DNAAF1: variants seen among roughly 807,000 people sequenced by gnomAD.
The protein encoded by DNAAF1 is dynein assembly factor 1, axonemal.
Under a neutral mutation model 71.1 loss-of-function variants are expected in DNAAF1, and 65 were observed. That is an observed-to-expected ratio of 0.91 (90% confidence interval 0.75 to 1.12). The LOEUF is 1.12. Among genes scored for constraint, DNAAF1 ranks in the 50% most tolerant of loss-of-function variants. The probability of loss-of-function intolerance (pLI) is 0.00; values close to 1 mark genes in which losing one functional copy is unlikely to be tolerated. For missense variants in DNAAF1, 1,178 were observed against 899.8 expected, an observed-to-expected ratio of 1.31 and a Z score of -3.96; for synonymous variants, 414 against 354.6, an observed-to-expected ratio of 1.17 and a Z score of -1.88.
chr16:84,177,694 C>A (rs1156339417), intron 11 of DNAAF1, 35 bp from the exon 12 acceptor site: 4 of 1,573,506 alleles, frequency 2.5e-6, no homozygotes, highest in African/African-American at 2.7e-5. Context: ...GTCACAGTGA[C>A]AGGGAGAAAG....
rs2088241636 is a variant in DNAAF1, at chr16:84,170,043, A to G, written c.1215A>G (p.Arg405=). 1 of 1,613,872 alleles carries G rather than the reference A, an allele frequency of 6.2e-7. No homozygotes were observed. Among genetic ancestry groups the G allele is most frequent in the Admixed American group, 1.7e-5 (1 of 60,024 alleles). ...AGGAGCCGCCTGTGGAGGCTAAAAGAGAGGATGGAGGTCCAGAGCCAGAGG... is the reference window on the plus strand; with the variant it reads ...AGGAGCCGCCTGTGGAGGCTAAAAGGGAGGATGGAGGTCCAGAGCCAGAGG... The part of the protein sequence containing the change: ...SGEEPPVEAK[R]EDGGPEPEGT... The change falls in exon 8 of 12, where the codon AGA becomes AGG. Residue 405 remains arginine (R), a synonymous_variant. Transcript: ENST00000378553.
rs768333886 is a variant in DNAAF1, at chr16:84,170,278, G to C, written c.1450G>C (p.Glu484Gln). The C allele has an allele frequency of 1.2e-6, 2 of 1,610,042 alleles. No individual in the cohort carries two copies. Among genetic ancestry groups the C allele is most frequent in the African/African-American group, 1.3e-5 (1 of 74,808 alleles). ...LLSPPVKVKG[E>Q]DGDREPEGTL... ...GTCACCGCCTGTGAAGGTTAAAGGA[G>C]AGGATGGAGATCGAGAGCCAGAGGG... Residue 484 changes from glutamate to glutamine, a missense_variant, in exon 8 of 12, where the codon GAG (glutamate) becomes CAG (glutamine). Physicochemically the swap from Glu to Gln is conservative, Grantham distance 29 (BLOSUM62 2). Transcript: ENST00000378553.
intron 5 of DNAAF1, among the ~76,000 whole-genome samples, chr16:84,157,624 G>A (rs1368730824): frequency 2.0e-5 from 3 of 151,860 alleles, no homozygotes; most frequent in African/African-American, 4.8e-5. Flanking sequence ...TTGCTTCTTA[G>A]TGTCTATGTG....
Position 84,145,583 on chromosome 16 carries a change from G to T in DNAAF1, c.124+19G>T, listed in dbSNP as rs1332519704. Reference sequence around the variant, plus strand: ...AAGGAAGGTGCCGACTGCCCCCCAGGGAGGGCGGTGGGCGAGGGGCAGACA... The same window carrying T: ...AAGGAAGGTGCCGACTGCCCCCCAGTGAGGGCGGTGGGCGAGGGGCAGACA... On this transcript the variant is annotated intron_variant, in intron 1 of 11. Coordinates refer to ENST00000378553, the MANE Select transcript of DNAAF1 (RefSeq NM_178452.6). The T allele has an allele frequency of 5.2e-6, 8 of 1,543,146 alleles. No individual in the cohort carries two copies. Among genetic ancestry groups the T allele is most frequent in the Middle Eastern group, 2.3e-4 (1 of 4,418 alleles).
chr16:84,151,158 C>G (rs1329888465), intron 3 of DNAAF1, among the ~76,000 whole-genome samples: 1 of 152,090 alleles, frequency 6.6e-6, no homozygotes, highest in Admixed American at 6.6e-5. Flanking sequence ...GATGGGGTGA[C>G]CAGCTTGCTC....
At position 84,172,487 on chromosome 16, in the gene DNAAF1, G is replaced by A. The variant is rs553933229; in HGVS notation, c.1644+112G>A. ...ATACCCCAAGTGTGGTCCTTGGGCC[G>A]GCAGGCCTGGCATTTCTGGGGCGCT... On this transcript the variant is annotated intron_variant, in intron 9 of 11. Transcript: ENST00000378553. 827 of 1,523,082 alleles carry A rather than the reference G, an allele frequency of 5.4e-4. 2 individuals carry two copies. The highest frequency in any genetic ancestry group is 5.2e-3 in the Admixed American group (261 of 50,210). 94.3% of individuals were successfully genotyped at this position (1,523,082 alleles called of 1,614,324 possible).
intron 3 of DNAAF1, among the ~76,000 whole-genome samples, chr16:84,151,623 G>A (rs938906618): frequency 6.6e-6 from 1 of 152,232 alleles, no homozygotes; most frequent in African/African-American, 2.4e-5. Flanking sequence ...TAACTGCCCT[G>A]AAACTTAGCA....
At chr16:84,159,898 T>C (rs2087621135) in intron 6 of DNAAF1, 102 bp downstream of exon 6, 3 of 1,397,650 alleles carry the variant, frequency 2.1e-6, no homozygotes, top group Non-Finnish European at 3.0e-6. Flanking sequence ...ATTTCACATA[T>C]CAAAAATGTT....
Position 84,151,768 on chromosome 16 carries a change from C to A in DNAAF1, c.352+1426C>A, listed in dbSNP as rs548371309. ...CAGTCTCACTCATTCGATGGCTTGA[C>A]GAGGGCTAGAGAATCCACTTCCAGG... On this transcript the variant is annotated intron_variant, in intron 3 of 11. Transcript: ENST00000378553. 2.5e-4 allele frequency among the ~76,000 whole-genome samples: 38 copies of A among 152,300 alleles called. 1 individual carries two copies. Among genetic ancestry groups the A allele is most frequent in the African/African-American group, 7.9e-4 (33 of 41,548 alleles).
In DNAAF1 at chr16:84,177,900, A is replaced by G; in HGVS notation, c.*59A>G. The stretch of plus-strand genomic sequence containing the variant: ...ATCATAAATGTCTCCCTTAGGCATG[A>G]TAAACATTTTAACACCCACGCGAGT... On this transcript the variant is annotated 3_prime_UTR_variant, in exon 12 of 12. Transcript: ENST00000378553. The G allele has an allele frequency of 6.9e-7, 1 of 1,443,968 alleles. No homozygotes were observed. Among genetic ancestry groups the G allele is most frequent in the South Asian group, 1.1e-5 (1 of 87,602 alleles). 89.4% of individuals were successfully genotyped at this position (1,443,968 alleles called of 1,614,324 possible).
intron 8 of DNAAF1, 135 bp downstream of exon 8, chr16:84,170,491 T>A: frequency 7.2e-7 from 1 of 1,384,506 alleles, no homozygotes. Flanking sequence ...TAATGGACAC[T>A]AGTTATCTTG....
At position 84,177,794 on chromosome 16, in the gene DNAAF1, C is replaced by G. The variant is rs779992454; in HGVS notation, c.2131C>G (p.Leu711Val). The G allele has an allele frequency of 1.2e-5, 20 of 1,614,136 alleles. No individual in the cohort carries two copies. In the East Asian group the frequency reaches 4.5e-4, roughly 36 times the overall value. ...CVGVAQPSQA[L>V]PTWDLTAFPA... The stretch of plus-strand genomic sequence containing the variant: ...CGGAGTTGCCCAGCCCAGCCAAGCT[C>G]TGCCCACGTGGGACCTCACTGCATT... Residue 711 changes from leucine to valine, a missense_variant, in exon 12 of 12, where the codon CTG becomes GTG. Leu to Val is a conservative substitution (Grantham distance 32, BLOSUM62 1). Coordinates refer to ENST00000378553, the MANE Select transcript of DNAAF1 (RefSeq NM_178452.6).
At chr16:84,174,557 G>A (rs990052423) in intron 9 of DNAAF1, 112 bp from the exon 10 acceptor site, 3 of 1,597,402 alleles carry the variant, frequency 1.9e-6, no homozygotes, top group Non-Finnish European at 2.6e-6. Context: ...TGAGTGATTT[G>A]AGTAACTGTA....
At chr16:84,174,188 G>T in intron 9 of DNAAF1, 2 of 1,008,428 alleles carry the variant, frequency 2.0e-6, no homozygotes, top group Non-Finnish European at 1.2e-6. Context: ...CACACACTAT[G>T]CTGCCTCCCC....
At position 84,165,895 on chromosome 16, in the gene DNAAF1, A is replaced by G. The variant is rs765662912; in HGVS notation, c.976A>G (p.Met326Val). 1.9e-6 allele frequency: 3 copies of G among 1,613,714 alleles called. No homozygotes were observed. Among genetic ancestry groups the G allele is most frequent in the Admixed American group, 1.7e-5 (1 of 59,954 alleles). The change falls in exon 7 of 12, where the codon ATG (methionine) becomes GTG (valine). Residue 326 changes from methionine to valine, a missense_variant. Physicochemically the swap from Met to Val is conservative, Grantham distance 21. Transcript: ENST00000378553. The stretch of plus-strand genomic sequence containing the variant: ...CACAGACAGCATTGAAGCCTTGGCC[A>G]TGATCAAGCAGCGGGCAGAGGAGAG... ...KITDSIEALA[M>V]IKQRAEERKR...
intron 5 of DNAAF1, among the ~76,000 whole-genome samples, chr16:84,156,851 C>CTTTTTTTTTTTTTTTTTTTTT (rs778916785): frequency 1.8e-5 from 2 of 111,808 alleles, no homozygotes; most frequent in African/African-American, 7.2e-5. Flanking sequence ...TTCTTTCTTT[C>CTTTTTTTTTTTTTTTTTTTTT]TTTTTTTTTT....
At chr16:84,175,869 T>C in intron 10 of DNAAF1, 64 bp from the exon 11 acceptor site, 1 of 1,579,850 alleles carries the variant, frequency 6.3e-7, no homozygotes, top group Non-Finnish European at 8.7e-7. Context: ...ACTGGCATGG[T>C]GCATTGTAGA....
In DNAAF1 at chr16:84,170,290, C is replaced by G. The variant is rs375641621; in HGVS notation, c.1462C>G (p.Arg488Gly). The change falls in exon 8 of 12, where the codon CGA becomes GGA. Residue 488 changes from arginine to glycine, a missense_variant. Arg to Gly is a moderately radical substitution (Grantham distance 125, BLOSUM62 -2). Transcript: ENST00000378553. ...GAAGGTTAAAGGAGAGGATGGAGAT[C>G]GAGAGCCAGAGGGGACCCTCCCAGC... ...PVKVKGEDGD[R>G]EPEGTLPAEA... The G allele has an allele frequency of 8.6e-5, 138 of 1,603,882 alleles. No homozygotes were observed. Among genetic ancestry groups the G allele is most frequent in the Non-Finnish European group, 1.1e-4 (130 of 1,176,012 alleles).
intron 5 of DNAAF1, among the ~76,000 whole-genome samples, chr16:84,157,621 T>C (rs1014059507): frequency 6.6e-6 from 1 of 152,156 alleles, no homozygotes; most frequent in African/African-American, 2.4e-5. Flanking sequence ...TCCTTGCTTC[T>C]TAGTGTCTAT....
Sources: gnomAD v4.1 joint callset for allele counts (sites outside exome capture counted in the v4.1 genomes callset) on GRCh38, gnomAD v4.1.1 for gene constraint, MANE v1.5 for transcripts, NCBI Gene and HGNC (gene_info 2026-07-23, HGNC 2026-07-21) for gene names.